Variants in NBN observed in about 807,000 individuals in gnomAD.
The protein encoded by NBN is Nijmegen breakage syndrome 1 (nibrin).
NBN carries 88 observed loss-of-function variants against 90.8 expected under a neutral mutation model. The ratio of observed to expected loss-of-function variants is 0.97; its 90% CI spans 0.82 to 1.16. The LOEUF (loss-of-function observed/expected upper bound fraction) is 1.16. NBN is among the 50% of genes most tolerant of loss of function. NBN has a pLI of 0.00. For missense variants in NBN, 894 were observed against 869.6 expected, an observed-to-expected ratio of 1.03 and a Z score of -0.35; for synonymous variants, 328 against 295.1, an observed-to-expected ratio of 1.11 and a Z score of -1.14.
chr8:89,937,322 A>G, intron 14 of NBN: 1 of 508,302 alleles, frequency 2.0e-6, no homozygotes, highest in Non-Finnish European at 3.6e-6. Context: ...GACAACCAAT[A>G]GTATATTGCT....
intron 14 of NBN, among the ~76,000 whole-genome samples, chr8:89,940,744 A>G (rs1809902435): frequency 6.6e-6 from 1 of 152,184 alleles, no homozygotes; most frequent in Admixed American, 6.5e-5. Context: ...CAATGAAATA[A>G]TGACAAAAAA....
chr8:89,974,667 T>C (rs1227648877), intron 5 of NBN, among the ~76,000 whole-genome samples: 2 of 152,138 alleles, frequency 1.3e-5, no homozygotes, highest in Non-Finnish European at 2.9e-5. Flanking sequence ...TGGTGTGTGT[T>C]ACAGGAGAGA....
chr8:89,967,302 A>G (rs1381674030), intron 7 of NBN, among the ~76,000 whole-genome samples: 1 of 152,170 alleles, frequency 6.6e-6, no homozygotes, highest in African/African-American at 2.4e-5. Context: ...TTGCACCCTG[A>G]ACTGCTGAAT....
chr8:89,953,177 A>C, intron 11 of NBN, 67 bp downstream of exon 11: 1 of 1,175,830 alleles, frequency 8.5e-7, no homozygotes, highest in Non-Finnish European at 1.3e-6. Context: ...GTCAATACAA[A>C]ATCGAAAGTA....
intron 15 of NBN, among the ~76,000 whole-genome samples, chr8:89,936,311 G>A (rs561093714): frequency 2.6e-5 from 4 of 151,968 alleles, no homozygotes; most frequent in Admixed American, 6.6e-5. Flanking sequence ...TCCTGACCTC[G>A]TAATCCGCCC....
In NBN at chr8:89,982,841, G is replaced by T. The variant is rs587781939; in HGVS notation, c.52C>A (p.Leu18Ile). ...AGPAGGEPYR[L>I]LTGVEYVVGR... ...ACAACGTACTCAACGCCAGTCAAAA[G>T]TCTGTATGGTTCTCCTGAGATAAAT... Residue 18 changes from leucine to isoleucine, a missense_variant, in exon 2 of 16, where the codon CTT becomes ATT. By Grantham distance (5) the Leu-to-Ile change is conservative (BLOSUM62 2). Transcript: ENST00000265433. The T allele has an allele frequency of 8.1e-6, 13 of 1,613,318 alleles. No homozygotes were observed. In the African/African-American group the frequency reaches 1.7e-4, roughly 22 times the overall value.
rs765879743 is a variant in NBN, at chr8:89,971,363, A to G, written c.585-73T>C. 4 of 1,482,664 alleles carry G rather than the reference A, an allele frequency of 2.7e-6. No individual in the cohort carries two copies. In the Admixed American group the frequency reaches 5.5e-5, roughly 20 times the overall value. 91.8% of individuals were successfully genotyped at this position (1,482,664 alleles called of 1,614,324 possible). A position where few individuals can be genotyped will look rare whatever the true frequency, so the allele number is the denominator to read the frequency against. ...CTATTAAATTGTAAACGGAGTGACTATCTGACACTCAAAAGGCATAATTTC... is the reference window on the plus strand; with the variant it reads ...CTATTAAATTGTAAACGGAGTGACTGTCTGACACTCAAAAGGCATAATTTC... On this transcript the variant is annotated intron_variant, in intron 5 of 15. Coordinates refer to ENST00000265433, the MANE Select transcript of NBN (RefSeq NM_002485.5).
chr8:89,938,230 GT>G (rs1454853678), intron 14 of NBN, among the ~76,000 whole-genome samples: 3 of 152,144 alleles, frequency 2.0e-5, no homozygotes, highest in Admixed American at 6.5e-5. Flanking sequence ...CTGACTTAAT[GT>G]TTTTGATATT....
At chr8:89,966,669 T>A (rs1461869886) in intron 7 of NBN, among the ~76,000 whole-genome samples, 1 of 152,080 alleles carries the variant, frequency 6.6e-6, no homozygotes, top group Non-Finnish European at 1.5e-5. Flanking sequence ...CCAAACAAAC[T>A]TTAACAAAAG....
intron 8 of NBN, among the ~76,000 whole-genome samples, chr8:89,964,002 T>A (rs188395591): frequency 1.3e-5 from 2 of 152,284 alleles, no homozygotes; most frequent in African/African-American, 4.8e-5. Context: ...CCTTTTCCCA[T>A]CATTCAGGAC....
chr8:89,964,436 C>T lies in NBN; in HGVS notation c.968G>A (p.Cys323Tyr), dbSNP rs730881848. The T allele has an allele frequency of 6.2e-7, 1 of 1,613,784 alleles. No individual in the cohort carries two copies. Among genetic ancestry groups the T allele is most frequent in the African/African-American group, 1.3e-5 (1 of 75,024 alleles). Residue 323 changes from cysteine (C) to tyrosine (Y), a missense_variant, in exon 8 of 16, where the codon TGT becomes TAT. Physicochemically the swap from Cys to Tyr is radical, Grantham distance 194 (BLOSUM62 -2). Transcript: ENST00000265433. ...AVIFMTTKNYCDPQGHPSTGL... is the reference protein window; with the variant it reads ...AVIFMTTKNYYDPQGHPSTGL... ...TGTACTGGGATGGCCCTGAGGATCA[C>T]AGTAATTCTTTGTAGTCATGAAAAT...
rs143210908 is a variant in NBN, at chr8:89,974,361, T to C, written c.585-3071A>G. Among the ~76,000 whole-genome samples the C allele has an allele frequency of 7.7e-3, 1,159 of 150,564 alleles. 17 individuals carry two copies. Among genetic ancestry groups the C allele is most frequent in the African/African-American group, 0.027 (1,117 of 40,900 alleles). ...TGAAAAAAATTACTAATACTAGTCA[T>C]ATTTCTTACCTTCGATTTAAATTAA... On this transcript the variant is annotated intron_variant, in intron 5 of 15. Coordinates refer to ENST00000265433, the MANE Select transcript of NBN (RefSeq NM_002485.5).
intron 7 of NBN, among the ~76,000 whole-genome samples, chr8:89,968,131 C>T (rs916128678): frequency 3.3e-5 from 5 of 152,010 alleles, no homozygotes; most frequent in African/African-American, 9.7e-5. Context: ...TGGTGGTGTA[C>T]GCCTGTAGTC....
intron 7 of NBN, among the ~76,000 whole-genome samples, chr8:89,969,929 C>A (rs1386389670): frequency 6.6e-6 from 1 of 151,542 alleles, no homozygotes; most frequent in Non-Finnish European, 1.5e-5. Context: ...CCAGCCTGGA[C>A]AACAGAGCAA....
intron 8 of NBN, among the ~76,000 whole-genome samples, chr8:89,961,858 T>C (rs1446693228): frequency 6.6e-6 from 1 of 152,038 alleles, no homozygotes; most frequent in East Asian, 1.9e-4. Flanking sequence ...GTAAGGACCA[T>C]TACTAGGGCA....
At position 89,952,625 on chromosome 8, in the gene NBN, C is replaced by T. The variant is rs1810494302; in HGVS notation, c.1845+619G>A. On this transcript the variant is annotated intron_variant, in intron 11 of 15. Transcript: ENST00000265433. ...CAGGTGTTACTGGAGAGGATGACCA[C>T]AGCCATGAATGAGTGGAGCTAATGA... 2.0e-5 allele frequency among the ~76,000 whole-genome samples: 3 copies of T among 152,150 alleles called. No individual in the cohort carries two copies. The South Asian group carries it at 6.2e-4, about 32-fold the overall frequency.
chr8:89,936,900 C>T, intron 15 of NBN, 126 bp downstream of exon 15: 1 of 722,472 alleles, frequency 1.4e-6, no homozygotes, highest in East Asian at 2.7e-5. Context: ...AAAATAAACA[C>T]TTGTGTTAGG....
At chr8:89,980,979 A>G (rs920457769) in intron 3 of NBN, 86 bp from the exon 4 acceptor site, 1 of 1,122,944 alleles carries the variant, frequency 8.9e-7, no homozygotes, top group Non-Finnish European at 1.3e-6. Flanking sequence ...TTAAGCTCAC[A>G]TCATATACTG....
At position 89,947,875 on chromosome 8, in the gene NBN, C is replaced by T. The variant is rs773909162; in HGVS notation, c.1863G>A (p.Gly621=). ...AGTCTTCCTTGAGTTCACGTTTCTT[C>T]CCAATTTCATTTTCTTGCTAAAGAA... The part of the protein sequence containing the change: ...SSKISQENEI[G]KKRELKEDSL... Residue 621 remains glycine (G), a synonymous_variant, in exon 12 of 16, where the codon GGG becomes GGA. Transcript: ENST00000265433. The T allele has an allele frequency of 1.3e-6, 2 of 1,572,442 alleles. No homozygotes were observed. The highest frequency in any genetic ancestry group is 1.7e-4 in the Middle Eastern group (1 of 5,946).
Sources: gnomAD v4.1 joint callset for allele counts (sites outside exome capture counted in the v4.1 genomes callset) on GRCh38, gnomAD v4.1.1 for gene constraint, MANE v1.5 for transcripts, NCBI Gene and HGNC (gene_info 2026-07-23, HGNC 2026-07-21) for gene names.